Variants in ADGRL2 observed in about 807,000 individuals in gnomAD.
The protein encoded by ADGRL2 is adhesion G protein-coupled receptor L2.
A neutral mutation model predicts 157.4 loss-of-function variants in ADGRL2; 44 were observed. The ratio of observed to expected loss-of-function variants is 0.28; its 90% confidence interval spans 0.22 to 0.36. The LOEUF (loss-of-function observed/expected upper bound fraction) is 0.36, where lower values mean the gene tolerates loss of function less well. Among genes scored for constraint, ADGRL2 ranks in the 10% least tolerant of loss-of-function variants. The pLI, the probability that ADGRL2 is intolerant of heterozygous loss-of-function variation, is 1.00. For missense variants in ADGRL2, 1,510 were observed against 1,768.9 expected (o/e 0.85, Z 2.63); for synonymous variants, 585 against 624.7 (o/e 0.94, Z 0.95).
At chr1:81,880,568 C>T (rs114890096) in intron 2 of ADGRL2, among the ~76,000 whole-genome samples, 2,740 of 152,122 alleles carry the variant, frequency 0.018, 77 homozygotes, top group African/African-American at 0.062. Context: ...ACCAGGTTGC[C>T]GGGTTCTCCC....
chr1:81,508,673 T>G (rs1332955019), intron 2 of ADGRL2, among the ~76,000 whole-genome samples: 2 of 152,166 alleles, frequency 1.3e-5, no homozygotes, highest in East Asian at 3.9e-4. Context: ...GCCCTATGCA[T>G]AGGGTATGCA....
chr1:81,807,450 A>G (rs1487851501), intron 1 of ADGRL2, among the ~76,000 whole-genome samples: 1 of 152,126 alleles, frequency 6.6e-6, no homozygotes, highest in East Asian at 1.9e-4. Context: ...ATTAGGCTTG[A>G]TGCTGTCACA....
chr1:81,975,913 A>T (rs1389942382), intron 17 of ADGRL2, among the ~76,000 whole-genome samples: 3 of 152,078 alleles, frequency 2.0e-5, no homozygotes, highest in African/African-American at 7.2e-5. Context: ...TTTCCCCTGC[A>T]AAATTATAAT....
intron 1 of ADGRL2, among the ~76,000 whole-genome samples, chr1:81,365,064 T>C (rs2076042103): frequency 6.6e-6 from 1 of 152,156 alleles, no homozygotes; most frequent in Non-Finnish European, 1.5e-5. Context: ...CCAACCTGCC[T>C]GAGAGCTGAC....
intron 2 of ADGRL2, among the ~76,000 whole-genome samples, chr1:81,564,099 T>C (rs544279474): frequency 4.6e-5 from 7 of 152,196 alleles, no homozygotes; most frequent in African/African-American, 9.6e-5. Flanking sequence ...TCCCAGCCAC[T>C]ATGTGTATAT....
chr1:81,352,334 T>C (rs1662959143), intron 1 of ADGRL2, among the ~76,000 whole-genome samples: 1 of 152,212 alleles, frequency 6.6e-6, no homozygotes, highest in Non-Finnish European at 1.5e-5. Context: ...TATTTACCTC[T>C]GAGGAATCAG....
chr1:81,423,363 C>A (rs1417755813), intron 1 of ADGRL2, among the ~76,000 whole-genome samples: 1 of 152,130 alleles, frequency 6.6e-6, no homozygotes, highest in East Asian at 1.9e-4. Flanking sequence ...GGCAGGCATG[C>A]CCAGGACACT....
chr1:81,604,083 A>G (rs1326848970), intron 3 of ADGRL2, among the ~76,000 whole-genome samples: 1 of 150,804 alleles, frequency 6.6e-6, no homozygotes, highest in African/African-American at 2.4e-5. Flanking sequence ...CCTGCCTCAG[A>G]CTCCTGAATA....
At chr1:81,462,548 T>G (rs1346068340) in intron 2 of ADGRL2, among the ~76,000 whole-genome samples, 1 of 152,118 alleles carries the variant, frequency 6.6e-6, no homozygotes, top group African/African-American at 2.4e-5. Context: ...GGTGATTAAT[T>G]TTTTTCCTAC....
At chr1:81,795,975 TTTTTG>T (rs142845057), upstream of ADGRL2, among the ~76,000 whole-genome samples, 3 of 151,928 alleles carry the variant, frequency 2.0e-5, no homozygotes, top group East Asian at 1.9e-4. Flanking sequence ...AGGTATTTTA[TTTTTG>T]TTTTGTTTTG....
chr1:81,802,460 C>T (rs1176073936), intron 1 of ADGRL2, among the ~76,000 whole-genome samples: 5 of 152,098 alleles, frequency 3.3e-5, no homozygotes, highest in Non-Finnish European at 7.4e-5. Flanking sequence ...CAGTCCGGTC[C>T]AGCCGGCTTC....
intron 3 of ADGRL2, among the ~76,000 whole-genome samples, chr1:81,912,492 TA>T (rs2094753172): frequency 6.6e-6 from 1 of 152,192 alleles, no homozygotes; most frequent in Non-Finnish European, 1.5e-5. Context: ...AGCCATTGTT[TA>T]TACAGGTTTG....
chr1:81,423,072 A>G (rs868550049), intron 1 of ADGRL2, among the ~76,000 whole-genome samples: 5 of 152,224 alleles, frequency 3.3e-5, no homozygotes, highest in African/African-American at 7.2e-5. Flanking sequence ...AACAGAAAAC[A>G]TATATAGCAT....
At chr1:81,331,911 T>C (rs1661291953) in intron 1 of ADGRL2, among the ~76,000 whole-genome samples, 1 of 152,098 alleles carries the variant, frequency 6.6e-6, no homozygotes, top group Non-Finnish European at 1.5e-5. Flanking sequence ...AACAAAGGTG[T>C]TTAATTTTAG....
intron 3 of ADGRL2, among the ~76,000 whole-genome samples, chr1:81,908,939 A>G (rs1417244717): frequency 6.7e-6 from 1 of 148,262 alleles, no homozygotes; most frequent in Non-Finnish European, 1.5e-5. Flanking sequence ...CAGCGGCGTG[A>G]TCTCTGCTCA....
At chr1:81,942,465 C>A (rs1648394075) in intron 5 of ADGRL2, among the ~76,000 whole-genome samples, 1 of 151,800 alleles carries the variant, frequency 6.6e-6, no homozygotes, top group South Asian at 2.1e-4. Context: ...ACTTATGTTC[C>A]TCAAATTGAA....
intron 3 of ADGRL2, among the ~76,000 whole-genome samples, chr1:81,634,512 G>GTTTTTTTTTTTGTTTTT: frequency 7.1e-6 from 1 of 140,148 alleles, no homozygotes; most frequent in Non-Finnish European, 1.6e-5. Context: ...TAGCTATCTT[G>GTTTTTTTTTTTGTTTTT]TTTTTTTTTT....
At chr1:81,307,969 T>G (rs2100525459) in intron 1 of ADGRL2, among the ~76,000 whole-genome samples, 1 of 152,280 alleles carries the variant, frequency 6.6e-6, no homozygotes, top group South Asian at 2.1e-4. Context: ...TCTCTGGCAT[T>G]TGTTAGGTTA....
exon 1 of ADGRL2, chr1:81,306,418 T>C (rs1570573067): frequency 1.3e-5 from 2 of 152,136 alleles, no homozygotes; most frequent in African/African-American, 4.8e-5. Context: ...ATACAGTGAC[T>C]GAAAGGACTC....
Sources: allele counts gnomAD v4.1 joint callset (sites outside exome capture counted in the v4.1 genomes callset), GRCh38; gene constraint gnomAD v4.1.1; transcripts MANE v1.5; gene names NCBI Gene and HGNC (gene_info 2026-07-23, HGNC 2026-07-21).